ERBIN: variants seen among roughly 807,000 people sequenced by gnomAD.
ERBIN encodes the protein erbb2 interacting protein, also known as densin-180-like protein.
ERBIN carries 60 observed loss-of-function variants against 158.4 expected under a neutral mutation model. That is an observed-to-expected ratio of 0.38 (90% confidence interval 0.31 to 0.47). The LOEUF (loss-of-function observed/expected upper bound fraction) is 0.47, where lower values mean the gene tolerates loss of function less well. Among genes scored for constraint, ERBIN ranks in the 20% least tolerant of loss-of-function variants. ERBIN has a pLI of 0.99. For missense variants in ERBIN, 1,610 were observed against 1,648.0 expected (o/e 0.98, Z 0.40); for synonymous variants, 594 against 557.2 (o/e 1.07, Z -0.93).
chr5:66,002,321 C>A (rs1235845156), intron 4 of ERBIN, among the ~76,000 whole-genome samples: 1 of 152,146 alleles, frequency 6.6e-6, no homozygotes, highest in Non-Finnish European at 1.5e-5. Context: ...GTTCTCTAAG[C>A]TGCTATCCCA....
chr5:65,941,991 C>T (rs1036481175), intron 1 of ERBIN, among the ~76,000 whole-genome samples: 9 of 152,192 alleles, frequency 5.9e-5, no homozygotes, highest in African/African-American at 9.7e-5. Flanking sequence ...GCGCCCGCCT[C>T]GGCCTTCCAA....
At chr5:66,069,264 T>C (rs16894848) in intron 21 of ERBIN, among the ~76,000 whole-genome samples, 2,667 of 152,324 alleles carry the variant, frequency 0.018, 82 homozygotes, top group African/African-American at 0.061. Flanking sequence ...AAGTGAACAA[T>C]AGGAATAACT....
intron 1 of ERBIN, among the ~76,000 whole-genome samples, chr5:65,967,140 A>T (rs152993): frequency 0.73 from 111,155 of 151,550 alleles, 42,493 homozygotes; most frequent in Non-Finnish European, 0.86. Flanking sequence ...TTAGCTGTAC[A>T]GTGTGTTTGT....
intron 15 of ERBIN, among the ~76,000 whole-genome samples, chr5:66,040,666 A>G (rs1004200310): frequency 1.3e-5 from 2 of 151,870 alleles, no homozygotes; most frequent in Admixed American, 6.6e-5. Context: ...GCCTCCAAGA[A>G]ATAGATGAGT....
rs146820841 is a variant in ERBIN at position 65,938,044 on chromosome 5, G to A, written c.-58+11238G>A. ...AAGATAGATTTCCCATTTATTTGAT[G>A]TTTGATGCCCTTTAGTGGCATTTAT... On this transcript the variant is annotated intron_variant, in intron 1 of 25. Coordinates refer to ENST00000284037, the MANE Select transcript of ERBIN (RefSeq NM_001253697.2). Among the ~76,000 whole-genome samples, 27 of 152,320 alleles carry A rather than the reference G, an allele frequency of 1.8e-4. 1 individual carries two copies. The East Asian group carries it at 5.2e-3, about 29-fold the overall frequency.
At chr5:66,052,766 A>G (rs1291022243) in intron 20 of ERBIN, among the ~76,000 whole-genome samples, 1 of 152,206 alleles carries the variant, frequency 6.6e-6, no homozygotes, top group Non-Finnish European at 1.5e-5. Flanking sequence ...GACACATTTA[A>G]AAGTATTTAC....
rs545851958 is a variant in ERBIN, at chr5:66,026,169, A to T, written c.1021-133A>T. 1.1e-4 allele frequency: 74 copies of T among 694,860 alleles called. 1 individual carries two copies. In the East Asian group the frequency reaches 1.9e-3, roughly 18 times the overall value. 43.0% of individuals were successfully genotyped at this position (694,860 alleles called of 1,614,324 possible). A position where few individuals can be genotyped will look rare whatever the true frequency, so the allele number is the denominator to read the frequency against. On this transcript the variant is annotated intron_variant, in intron 12 of 25. Transcript: ENST00000284037. Reference sequence around the variant, plus strand: ...TTTCTTATGTACATAAAAATTAATTAAAAAGAAAGTCTAGTCATTATTTCT... The same window carrying T: ...TTTCTTATGTACATAAAAATTAATTTAAAAGAAAGTCTAGTCATTATTTCT...
intron 15 of ERBIN, among the ~76,000 whole-genome samples, chr5:66,041,972 C>G (rs995793523): frequency 2.0e-5 from 3 of 151,902 alleles, no homozygotes; most frequent in African/African-American, 7.2e-5. Flanking sequence ...AAAGAAAAGG[C>G]TAAATCAAAG....
At chr5:66,039,927 A>G (rs1757767844) in intron 15 of ERBIN, among the ~76,000 whole-genome samples, 1 of 151,932 alleles carries the variant, frequency 6.6e-6, no homozygotes, top group Non-Finnish European at 1.5e-5. Flanking sequence ...AGATTTACCC[A>G]TGAAATAATA....
intron 1 of ERBIN, among the ~76,000 whole-genome samples, chr5:65,955,498 C>T (rs1472889627): frequency 6.6e-6 from 1 of 152,010 alleles, no homozygotes; most frequent in Non-Finnish European, 1.5e-5. Flanking sequence ...GGCATGGTGG[C>T]GGGTGCCTAT....
At chr5:66,018,481 T>A (rs867514292) in intron 7 of ERBIN, among the ~76,000 whole-genome samples, 5 of 4,844 alleles carry the variant, frequency 1.0e-3, no homozygotes, top group African/African-American at 4.2e-3. Context: ...TATTATATAT[T>A]ATATATTATA....
rs141055922 is a variant in ERBIN, at chr5:66,036,600, T to C, written c.1207-1783T>C. 2.0e-5 allele frequency among the ~76,000 whole-genome samples: 3 copies of C among 152,296 alleles called. No homozygotes were observed. In the East Asian group the frequency reaches 5.8e-4, roughly 29 times the overall value. ...GTCTACCCTGTAATTTCACTTGGAA[T>C]TACAGTAGCAGTTGCCTATTTTGTT... On this transcript the variant is annotated intron_variant, in intron 14 of 25. Transcript: ENST00000284037.
At chr5:66,062,091 G>T (rs949525731) in intron 21 of ERBIN, among the ~76,000 whole-genome samples, 5 of 152,224 alleles carry the variant, frequency 3.3e-5, no homozygotes, top group South Asian at 2.1e-4. Flanking sequence ...ATGTTGGCTT[G>T]CCTTGCTAGA....
chr5:66,054,640 A>G lies in ERBIN; in HGVS notation c.3322A>G (p.Arg1108Gly). The G allele has an allele frequency of 6.2e-7, 1 of 1,614,174 alleles. No homozygotes were observed. The highest frequency in any genetic ancestry group is 8.5e-7 in the Non-Finnish European group (1 of 1,180,014). Residue 1108 changes from arginine to glycine, a missense_variant, in exon 21 of 26, where the codon AGA (arginine) becomes GGA (glycine). Arg to Gly is a moderately radical substitution (Grantham distance 125). This residue lies in a region of ERBIN where 1,014 missense variants were observed against 936.1 expected (regional missense o/e 1.08). Coordinates refer to ENST00000284037, the MANE Select transcript of ERBIN (RefSeq NM_001253697.2). ...TCCTGAAGGAGATTATTTATCATAC[A>G]GAGAGTTCCACTCAGCGGGAAGAAC... The part of the protein sequence containing the change: ...QIPEGDYLSY[R>G]EFHSAGRTPP...
chr5:65,997,801 A>G (rs936535306), intron 4 of ERBIN, among the ~76,000 whole-genome samples: 2 of 152,180 alleles, frequency 1.3e-5, no homozygotes, highest in African/African-American at 4.8e-5. Context: ...TCCAGAAGTA[A>G]TCCTTCTCCT....
chr5:66,055,176 AT>A, intron 21 of ERBIN: 1 of 1,096,150 alleles, frequency 9.1e-7, no homozygotes, highest in Non-Finnish European at 1.2e-6. Context: ...ACAAAAATGT[AT>A]TAATTTTATA....
intron 7 of ERBIN, among the ~76,000 whole-genome samples, chr5:66,015,426 CAT>C (rs1274585607): frequency 6.6e-6 from 1 of 152,090 alleles, no homozygotes; most frequent in African/African-American, 2.4e-5. Context: ...CATTCATGTA[CAT>C]ATTGTCTGTG....
At chr5:65,983,792 C>G (rs575246760) in intron 1 of ERBIN, among the ~76,000 whole-genome samples, 1 of 152,296 alleles carries the variant, frequency 6.6e-6, no homozygotes, top group South Asian at 2.1e-4. Context: ...CAGGGCACCC[C>G]CCCCAACTGT....
At chr5:65,970,049 A>G (rs184800445) in intron 1 of ERBIN, among the ~76,000 whole-genome samples, 2 of 152,318 alleles carry the variant, frequency 1.3e-5, no homozygotes, top group African/African-American at 2.4e-5. Flanking sequence ...CCCCAAAGTA[A>G]TTGAATCAGC....
Sources: allele counts gnomAD v4.1 joint callset (sites outside exome capture counted in the v4.1 genomes callset), GRCh38; gene constraint gnomAD v4.1.1; regional missense constraint gnomAD v4.1.1; transcripts MANE v1.5; gene names NCBI Gene and HGNC (gene_info 2026-07-23, HGNC 2026-07-21).